YWHAH: variants seen among roughly 807,000 people sequenced by gnomAD.
The protein encoded by YWHAH is 14-3-3 protein eta.
A neutral mutation model predicts 22.9 loss-of-function variants in YWHAH; 6 were observed. That is an observed-to-expected ratio of 0.26 (90% confidence interval 0.14 to 0.52). The LOEUF is 0.52. YWHAH is among the 20% of genes least tolerant of loss of function. YWHAH has a pLI of 0.97. For synonymous variants in YWHAH, 135 were observed against 124.5 expected, an observed-to-expected ratio of 1.08 and a Z score of -0.56; for missense variants, 173 against 308.6, an observed-to-expected ratio of 0.56 and a Z score of 3.29.
In YWHAH at chr22:31,948,626, C is replaced by T. The variant is rs144033723; in HGVS notation, c.87+3806C>T. Among the ~76,000 whole-genome samples the T allele has an allele frequency of 7.9e-5, 12 of 152,296 alleles. No homozygotes were observed. In the East Asian group the frequency reaches 2.3e-3, roughly 29 times the overall value. Reference sequence around the variant, plus strand: ...CTGGCCTCAAGCAGTCCTCCTGCCTCAGCCTATTAAAGTGCTGGGATTACA... The same window carrying T: ...CTGGCCTCAAGCAGTCCTCCTGCCTTAGCCTATTAAAGTGCTGGGATTACA... On this transcript the variant is annotated intron_variant, in intron 1 of 1. Transcript: ENST00000248975.
intron 1 of YWHAH, among the ~76,000 whole-genome samples, chr22:31,955,480 T>A (rs916049683): frequency 4.1e-5 from 6 of 147,738 alleles, no homozygotes; most frequent in Admixed American, 2.8e-4. Flanking sequence ...GGAGGCTTGC[T>A]CTGTCGCTAG....
chr22:31,950,991 G>A (rs1356610172), intron 1 of YWHAH, among the ~76,000 whole-genome samples: 3 of 152,090 alleles, frequency 2.0e-5, no homozygotes, highest in East Asian at 1.9e-4. Context: ...CCACCTCCTG[G>A]GTTCGAGCGA....
At chr22:31,953,105 G>A (rs769928747) in intron 1 of YWHAH, among the ~76,000 whole-genome samples, 4 of 152,324 alleles carry the variant, frequency 2.6e-5, no homozygotes, top group Admixed American at 6.5e-5. Flanking sequence ...ACTCTGGGAA[G>A]TTACCTTGGT....
rs1016379997 is a variant in YWHAH, at chr22:31,954,718, C to CT, written c.88-1418dup. 3.4e-4 allele frequency among the ~76,000 whole-genome samples: 52 copies of CT among 152,164 alleles called. 1 individual carries two copies. Among genetic ancestry groups the CT allele is most frequent in the Non-Finnish European group, 4.4e-4 (30 of 68,030 alleles). Reference sequence around the variant, plus strand: ...TGGCTTGTAGATGCGTCACTCCAGTCTTTGCCTCCACTGTCACATGGCATT... The same window carrying CT: ...TGGCTTGTAGATGCGTCACTCCAGTCTTTTGCCTCCACTGTCACATGGCATT... On this transcript the variant is annotated intron_variant, in intron 1 of 1. Coordinates refer to ENST00000248975, the MANE Select transcript of YWHAH (RefSeq NM_003405.4).
chr22:31,949,512 G>T (rs79106500), intron 1 of YWHAH, among the ~76,000 whole-genome samples: 1 of 149,400 alleles, frequency 6.7e-6, no homozygotes, highest in Non-Finnish European at 1.5e-5. Context: ...TTTTTTTTTG[G>T]TGGGGGGGGG....
In YWHAH at chr22:31,956,808, C is replaced by A. The variant is rs1036395298; in HGVS notation, c.*16C>A. 3 of 1,549,504 alleles carry A rather than the reference C, an allele frequency of 1.9e-6. No homozygotes were observed. Among genetic ancestry groups the A allele is most frequent in the Non-Finnish European group, 1.7e-6 (2 of 1,147,958 alleles). On this transcript the variant is annotated 3_prime_UTR_variant, in exon 2 of 2. Transcript: ENST00000248975. This position sits in a 1 kb window ranked among gnomAD's most constrained non-coding sequence, Gnocchi z 5.1. ...AGGCAACTGAAGATCCTTCAGGTCC[C>A]CTGGCCCTTCCTTCACCCACCACCC... is the stretch of plus-strand genomic sequence containing the variant.
In YWHAH at chr22:31,949,838, TA is replaced by T. The variant is rs1453916455; in HGVS notation, c.87+5020del. Reference sequence around the variant, plus strand: ...AACAATGCCCCATGAGGCAAAGGGATAATATGTCTAGTATACATTCTGGTAT... The same window carrying T: ...AACAATGCCCCATGAGGCAAAGGGATATATGTCTAGTATACATTCTGGTAT... On this transcript the variant is annotated intron_variant, in intron 1 of 1. Coordinates refer to ENST00000248975, the MANE Select transcript of YWHAH (RefSeq NM_003405.4). Among the ~76,000 whole-genome samples, 26 of 152,336 alleles carry T rather than the reference TA, an allele frequency of 1.7e-4. 1 individual carries two copies. In the South Asian group the frequency reaches 4.8e-3, roughly 28 times the overall value.
At chr22:31,945,400 G>A in intron 1 of YWHAH, 1 of 1,299,978 alleles carries the variant, frequency 7.7e-7, no homozygotes, top group East Asian at 5.6e-5. Context: ...GGCGTGGACG[G>A]GGGCGGGAGA....
At chr22:31,954,741 A>G (rs535946791) in intron 1 of YWHAH, among the ~76,000 whole-genome samples, 53 of 152,220 alleles carry the variant, frequency 3.5e-4, no homozygotes, top group African/African-American at 1.3e-3. Flanking sequence ...GTCACATGGC[A>G]TTCTTCCTGT....
rs12159114 is a variant in YWHAH, at chr22:31,948,105, G to A, written c.87+3285G>A. 6.4e-3 allele frequency among the ~76,000 whole-genome samples: 973 copies of A among 152,154 alleles called. 9 individuals carry two copies. The highest frequency in any genetic ancestry group is 0.022 in the African/African-American group (913 of 41,492). On this transcript the variant is annotated intron_variant, in intron 1 of 1. Transcript: ENST00000248975. ...AATCAGTGTTGACCAGGTTGGCCTCGAACGTGTAGCCTCACCTCCCCGAGT... is the reference window on the plus strand; with the variant it reads ...AATCAGTGTTGACCAGGTTGGCCTCAAACGTGTAGCCTCACCTCCCCGAGT...
At chr22:31,945,201 C>T (rs1406710421) in intron 1 of YWHAH, 10 of 1,117,136 alleles carry the variant, frequency 9.0e-6, no homozygotes, top group African/African-American at 3.3e-5. Context: ...CTCTCGTCTT[C>T]CTCCGTTCCC....
intron 1 of YWHAH, chr22:31,945,490 T>G (rs1187603623): frequency 1.5e-6 from 2 of 1,304,078 alleles, no homozygotes; most frequent in Non-Finnish European, 2.0e-6. Flanking sequence ...AAATGAAACG[T>G]GACTTCTAGG....
At chr22:31,947,652 A>G (rs1380878259) in intron 1 of YWHAH, among the ~76,000 whole-genome samples, 4 of 152,202 alleles carry the variant, frequency 2.6e-5, no homozygotes, top group African/African-American at 4.8e-5. Flanking sequence ...ACCAGCTTGC[A>G]TAGAGTATAA....
chr22:31,944,808 C>T lies in YWHAH; in HGVS notation c.75C>T (p.Ser25=). The T allele has an allele frequency of 7.2e-7, 1 of 1,398,490 alleles. No homozygotes were observed. Among genetic ancestry groups the T allele is most frequent in the South Asian group, 1.4e-5 (1 of 71,830 alleles). The allele number at this position is 1,398,490 out of a possible 1,614,324, so 86.6% of individuals were successfully genotyped here. ...EQAERYDDMA[S]AMKAVTELNE... ...CGGAGCGCTACGACGACATGGCCTC[C>T]GCTATGAAGGCGGTGAGCGCGCCGG... is the stretch of plus-strand genomic sequence containing the variant. Residue 25 remains serine, a synonymous_variant, in exon 1 of 2, where the codon TCC becomes TCT. Coordinates refer to ENST00000248975, the MANE Select transcript of YWHAH (RefSeq NM_003405.4).
intron 1 of YWHAH, among the ~76,000 whole-genome samples, chr22:31,954,007 C>T (rs1220678675): frequency 6.6e-6 from 1 of 152,096 alleles, no homozygotes; most frequent in African/African-American, 2.4e-5. Context: ...TGATTTTTAC[C>T]TGTAATAATG....
chr22:31,955,203 G>A (rs886896366), intron 1 of YWHAH, among the ~76,000 whole-genome samples: 1 of 152,200 alleles, frequency 6.6e-6, no homozygotes, highest in Non-Finnish European at 1.5e-5. Flanking sequence ...TGGTTTGGGA[G>A]AGGGCTGGGA....
chr22:31,950,561 G>T, intron 1 of YWHAH: 1 of 510,256 alleles, frequency 2.0e-6, no homozygotes, highest in Non-Finnish European at 3.5e-6. Flanking sequence ...CCATGAAAAT[G>T]TTCAGTTATG....
At chr22:31,955,690 C>T (rs2093848744) in intron 1 of YWHAH, among the ~76,000 whole-genome samples, 1 of 152,142 alleles carries the variant, frequency 6.6e-6, no homozygotes, top group African/African-American at 2.4e-5. Flanking sequence ...ATCTGCCCGC[C>T]CTTGGCCTCC....
chr22:31,947,326 A>G (rs2093836381), intron 1 of YWHAH: 1 of 436,574 alleles, frequency 2.3e-6, no homozygotes, highest in Admixed American at 2.6e-5. Context: ...TCTGAAGTAT[A>G]AAACTAGTGA....
Sources: gnomAD v4.1 joint callset for allele counts (sites outside exome capture counted in the v4.1 genomes callset) on GRCh38, gnomAD v4.1.1 for gene constraint, Gnocchi (gnomAD v3.1) non-coding constraint, MANE v1.5 for transcripts, NCBI Gene and HGNC (gene_info 2026-07-23, HGNC 2026-07-21) for gene names.